The following CLEC20A variants were observed in gnomAD, a reference collection of about 807,000 sequenced individuals.
The protein encoded by CLEC20A is putative C-type lectin domain family 20 member A.
Position 178,490,513 on chromosome 1 carries a change from G to A in CLEC20A, c.464-76C>T, listed in dbSNP as rs1649246784. The A allele has an allele frequency of 7.5e-6, 3 of 397,900 alleles. No homozygotes were observed. The South Asian group carries it at 4.1e-4, about 55-fold the overall frequency. The allele number at this position is 397,900 out of a possible 1,614,324, so 24.6% of individuals were successfully genotyped here. On this transcript the variant is annotated intron_variant, in intron 3 of 7. Coordinates refer to ENST00000623247, the Ensembl canonical transcript of CLEC20A. Reference sequence around the variant, plus strand: ...CAGCCCAGCCTTCATCACCCTTGGGGATAGAATTTTGGTCTGACATGGGCC... The same window carrying A: ...CAGCCCAGCCTTCATCACCCTTGGGAATAGAATTTTGGTCTGACATGGGCC...
chr1:178,486,366 G>A (rs1649143662), intron 5 of CLEC20A: 1 of 398,384 alleles, frequency 2.5e-6, no homozygotes, highest in South Asian at 1.3e-4. Context: ...CCCCAAGAGA[G>A]GAACTCCCCA....
intron 5 of CLEC20A, among the ~76,000 whole-genome samples, chr1:178,486,208 C>T (rs1649138025): frequency 6.6e-6 from 1 of 152,224 alleles, no homozygotes; most frequent in South Asian, 2.1e-4. Context: ...TGAGCTGGCT[C>T]TGGCCAGACA....
At position 178,486,468 on chromosome 1, in the gene CLEC20A, T is replaced by C. The variant is rs575828821; in HGVS notation, c.928+2033A>G. On this transcript the variant is annotated intron_variant, in intron 5 of 7. Transcript: ENST00000623247. ...GCCCTGGCCAGCTCCCAGCTGCCTC[T>C]GGGCGGGTGTCTTGGCTCAGGGCTG... 1,319 of 398,798 alleles carry C rather than the reference T, an allele frequency of 3.3e-3. 6 individuals carry two copies. The highest frequency in any genetic ancestry group is 4.2e-3 in the Non-Finnish European group (960 of 226,188). 24.7% of individuals were successfully genotyped at this position (398,798 alleles called of 1,614,324 possible). A position where few individuals can be genotyped will look rare whatever the true frequency, so the allele number is the denominator to read the frequency against.
intron 7 of CLEC20A, chr1:178,481,453 C>T (rs1397136478): frequency 2.6e-5 from 4 of 152,178 alleles, no homozygotes; most frequent in African/African-American, 9.7e-5. Context: ...ATAGGGTACT[C>T]TCTAGCACTG....
chr1:178,495,056 A>G (rs1343699038), intron 1 of CLEC20A, among the ~76,000 whole-genome samples: 6 of 151,716 alleles, frequency 4.0e-5, no homozygotes, highest in Admixed American at 2.6e-4. Context: ...CCATTCCCTC[A>G]TCTCCCCAGT....
At chr1:178,488,980 G>A (rs939968554) in intron 4 of CLEC20A, among the ~76,000 whole-genome samples, 5 of 152,140 alleles carry the variant, frequency 3.3e-5, no homozygotes, top group Admixed American at 6.5e-5. Context: ...TGGGGGGGGC[G>A]GTGATGAAAA....
At chr1:178,494,027 A>T (rs984524504) in intron 2 of CLEC20A, among the ~76,000 whole-genome samples, 3 of 152,208 alleles carry the variant, frequency 2.0e-5, no homozygotes, top group Non-Finnish European at 4.4e-5. Context: ...CAAAAAGAGT[A>T]AAGTCATGAC....
At chr1:178,491,976 T>C (rs987874584) in intron 3 of CLEC20A, among the ~76,000 whole-genome samples, 2 of 152,018 alleles carry the variant, frequency 1.3e-5, no homozygotes, top group Non-Finnish European at 2.9e-5. Flanking sequence ...CCCTCCCCTC[T>C]GGGCCCATCA....
upstream of CLEC20A, chr1:178,497,063 C>A: frequency 5.0e-6 from 2 of 398,778 alleles, no homozygotes; most frequent in Non-Finnish European, 8.8e-6. Context: ...GCTGTTTCCT[C>A]TCTTCCTCTT....
chr1:178,498,781 C>G (rs1351919239), upstream of CLEC20A, among the ~76,000 whole-genome samples: 1 of 152,162 alleles, frequency 6.6e-6, no homozygotes, highest in Non-Finnish European at 1.5e-5. Context: ...GTCTGGAAGG[C>G]TCTCTTTTTT....
chr1:178,482,610 T>C (rs1052615493), intron 6 of CLEC20A: 17 of 379,586 alleles, frequency 4.5e-5, no homozygotes, highest in Non-Finnish European at 6.1e-5. Flanking sequence ...CTTTGGGTAA[T>C]GCGAAGTCTT....
chr1:178,492,054 C>T (rs963498995), intron 3 of CLEC20A, among the ~76,000 whole-genome samples: 13 of 152,060 alleles, frequency 8.5e-5, no homozygotes, highest in Non-Finnish European at 1.5e-5. Context: ...GAGGCCCAGG[C>T]AGGTGGATCA....
upstream of CLEC20A, chr1:178,499,574 G>C (rs528065370): frequency 6.6e-6 from 1 of 152,282 alleles, no homozygotes; most frequent in Non-Finnish European, 1.5e-5. Flanking sequence ...CTTGAACATC[G>C]GACTCCGAGT....
chr1:178,479,895 G>T, intron 7 of CLEC20A: 2 of 191,388 alleles, frequency 1.0e-5, no homozygotes, highest in East Asian at 1.1e-4. Context: ...AATCACTGGA[G>T]AGTTGTTTAA....
intron 5 of CLEC20A, 33 bp from the exon 6 acceptor site, chr1:178,483,315 A>C (rs916520233): frequency 9.0e-5 from 36 of 398,564 alleles, no homozygotes; most frequent in African/African-American, 6.6e-4. Flanking sequence ...ATTTATTGCA[A>C]ATACAACCAG....
chr1:178,496,713 T>A (rs1649402701), intron 1 of CLEC20A, 187 bp downstream of exon 1: 3 of 397,132 alleles, frequency 7.6e-6, no homozygotes, highest in Non-Finnish European at 1.3e-5. Context: ...TACTGTCTGG[T>A]TAGGGGCGAT....
intron 3 of CLEC20A, among the ~76,000 whole-genome samples, chr1:178,491,284 A>G (rs1265753703): frequency 6.6e-6 from 1 of 152,188 alleles, no homozygotes; most frequent in African/African-American, 2.4e-5. Context: ...GACCTGAGGC[A>G]TTGATTCCGG....
At chr1:178,494,521 A>G in exon 2 of CLEC20A, 1 of 399,614 alleles carries the variant, frequency 2.5e-6, no homozygotes, top group South Asian at 1.3e-4. Flanking sequence ...ATTTCAGCCA[A>G]GTGTACAGCG....
chr1:178,489,602 C>A (rs1400475824), intron 4 of CLEC20A, among the ~76,000 whole-genome samples: 1 of 152,144 alleles, frequency 6.6e-6, no homozygotes, highest in Non-Finnish European at 1.5e-5. Flanking sequence ...CCGGGGCCCA[C>A]TCTGTGCCAG....
Sources: gnomAD v4.1 joint callset for allele counts (sites outside exome capture counted in the v4.1 genomes callset) on GRCh38, gnomAD v4.1.1 for gene constraint, MANE v1.5 for transcripts, NCBI Gene and HGNC (gene_info 2026-07-23, HGNC 2026-07-21) for gene names.